Variants in SCLY observed in about 807,000 individuals in gnomAD.
SCLY encodes selenocysteine lyase, also known as putative selenocysteine lyase.
SCLY carries 38 observed loss-of-function variants against 50.1 expected under a neutral mutation model. The observed-to-expected ratio is 0.76, with a 90% CI of 0.59 to 0.99. The LOEUF is 0.99. Ranked by LOEUF, SCLY falls within the 50% of genes least tolerant of loss-of-function variation. The pLI, the probability that SCLY is intolerant of heterozygous loss-of-function variation, is 0.00. For missense variants in SCLY, 600 were observed against 620.0 expected, an observed-to-expected ratio of 0.97 and a Z score of 0.34; for synonymous variants, 243 against 249.4, an observed-to-expected ratio of 0.97 and a Z score of 0.24.
rs774441028 is a variant in SCLY, at chr2:238,066,569, C to T, written c.203-1496C>T. On this transcript the variant is annotated intron_variant, in intron 2 of 11. Coordinates refer to ENST00000254663, the MANE Select transcript of SCLY (RefSeq NM_016510.7). This position sits in a 1 kb window ranked among gnomAD's most constrained non-coding sequence, Gnocchi z 4.1. ...GGGGCCTGCTAGGAGAACATCACAG[C>T]AGTGGCCTTGGCTTGGTTGGTGGCT... 6.6e-5 allele frequency among the ~76,000 whole-genome samples: 10 copies of T among 152,158 alleles called. No individual in the cohort carries two copies. Among genetic ancestry groups the T allele is most frequent in the Non-Finnish European group, 1.3e-4 (9 of 68,034 alleles).
chr2:238,097,173 T>A (rs1442150987), intron 11 of SCLY, among the ~76,000 whole-genome samples: 4 of 1,726 alleles, frequency 2.3e-3, no homozygotes, highest in Non-Finnish European at 4.4e-3. Context: ...TGGGGCGGGC[T>A]GGGGTGGGCT....
At chr2:238,079,536 C>T (rs1310620530) in intron 4 of SCLY, 1 of 152,158 alleles carries the variant, frequency 6.6e-6, no homozygotes, top group Non-Finnish European at 1.5e-5. Context: ...TCCCTCCCAC[C>T]TCCTTTGTGC....
At chr2:238,061,805 G>T (rs1259843540) in intron 1 of SCLY, among the ~76,000 whole-genome samples, 1 of 152,188 alleles carries the variant, frequency 6.6e-6, no homozygotes, top group Non-Finnish European at 1.5e-5. Context: ...GCTGAGAAGC[G>T]CGGAGACCCG....
Position 238,063,368 on chromosome 2 carries a change from C to T in SCLY, c.90-989C>T, listed in dbSNP as rs573013453. Among the ~76,000 whole-genome samples, 3 of 151,830 alleles carry T rather than the reference C, an allele frequency of 2.0e-5. No individual in the cohort carries two copies. In the South Asian group the frequency reaches 6.2e-4, roughly 32 times the overall value. The stretch of plus-strand genomic sequence containing the variant: ...CCTGGGTTCAAGCAATTCTTCTGCC[C>T]CAGCCTCCCTAGTAGGGCTAATGTT... On this transcript the variant is annotated intron_variant, in intron 1 of 11. Coordinates refer to ENST00000254663, the MANE Select transcript of SCLY (RefSeq NM_016510.7).
chr2:238,088,949 G>T (rs771209578), intron 7 of SCLY, among the ~76,000 whole-genome samples: 42 of 152,166 alleles, frequency 2.8e-4, no homozygotes, highest in Non-Finnish European at 5.3e-4. Context: ...GAAGCAAAAG[G>T]CATATAGATC....
intron 1 of SCLY, among the ~76,000 whole-genome samples, 182 bp from the exon 2 acceptor site, chr2:238,064,175 C>T (rs1369622162): frequency 6.6e-6 from 1 of 152,130 alleles, no homozygotes; most frequent in Non-Finnish European, 1.5e-5. Context: ...ATGCATTTTC[C>T]ATAAGTAGTG....
Position 238,068,057 on chromosome 2 carries a change from C to CCCT in SCLY, c.203-6_203-4dup, listed in dbSNP as rs779354681. On this transcript the variant is annotated splice_polypyrimidine_tract_variant and splice_region_variant and intron_variant, in intron 2 of 11. Coordinates refer to ENST00000254663, the MANE Select transcript of SCLY (RefSeq NM_016510.7). ...AATGTTAATGAATTTCCTTTTTGGT[C>CCCT]CCTCAAGGAAGAAAGGCCAAGGATA... 1 of 1,598,236 alleles carries CCCT rather than the reference C, an allele frequency of 6.3e-7. No individual in the cohort carries two copies. Among genetic ancestry groups the CCCT allele is most frequent in the Non-Finnish European group, 8.5e-7 (1 of 1,172,332 alleles).
At chr2:238,063,838 G>A (rs1004041196) in intron 1 of SCLY, among the ~76,000 whole-genome samples, 9 of 152,228 alleles carry the variant, frequency 5.9e-5, no homozygotes, top group African/African-American at 2.2e-4. Context: ...CCAGTGATCT[G>A]CCCTTTACAG....
chr2:238,064,736 G>T (rs531337904), intron 2 of SCLY: 69 of 248,218 alleles, frequency 2.8e-4, no homozygotes, highest in Middle Eastern at 2.5e-3. Flanking sequence ...GGTGTCTACT[G>T]AGAGTTCCTT....
In SCLY at chr2:238,067,532, G is replaced by A. The variant is rs557500492; in HGVS notation, c.203-533G>A. ...TAGCCAGTGAAACTGGGTGATGGCC[G>A]GATGCATAGCCCTGTTTGAAAGCAG... On this transcript the variant is annotated intron_variant, in intron 2 of 11. Coordinates refer to ENST00000254663, the MANE Select transcript of SCLY (RefSeq NM_016510.7). This position sits in a 1 kb window ranked among gnomAD's most constrained non-coding sequence, Gnocchi z 4.3. Among the ~76,000 whole-genome samples the A allele has an allele frequency of 3.9e-5, 6 of 152,352 alleles. No individual in the cohort carries two copies. Among genetic ancestry groups the A allele is most frequent in the South Asian group, 4.1e-4 (2 of 4,826 alleles).
At chr2:238,065,660 T>TATTA (rs1553564087) in intron 2 of SCLY, among the ~76,000 whole-genome samples, 41 of 143,508 alleles carry the variant, frequency 2.9e-4, no homozygotes, top group African/African-American at 5.4e-4. Context: ...AATATTTTAT[T>TATTA]TTATTATTAT....
At chr2:238,096,978 G>GTCCTTCACCAGCCAGA in intron 11 of SCLY, 102 bp downstream of exon 11, 2 of 1,179,400 alleles carry the variant, frequency 1.7e-6, no homozygotes, top group Non-Finnish European at 2.4e-6. Context: ...CACTCTGGCT[G>GTCCTTCACCAGCCAGA]GTGAAGGACA....
In SCLY at chr2:238,098,252, A is replaced by G; in HGVS notation, c.1235A>G (p.Asn412Ser). The G allele has an allele frequency of 6.2e-7, 1 of 1,610,760 alleles. No individual in the cohort carries two copies. Among genetic ancestry groups the G allele is most frequent in the East Asian group, 2.2e-5 (1 of 44,814 alleles). ...GGTGTCCCCTTCGACGTGGCCAGGA[A>G]CGCGCTCCGGCTCAGCGTGGGCCGC... ...SYGVPFDVAR[N>S]ALRLSVGRST... Residue 412 changes from asparagine to serine, a missense_variant, in exon 12 of 12, where the codon AAC (asparagine) becomes AGC (serine). Coordinates refer to ENST00000254663, the MANE Select transcript of SCLY (RefSeq NM_016510.7).
At chr2:238,073,900 C>A (rs1048305328) in intron 4 of SCLY, 5 of 402,874 alleles carry the variant, frequency 1.2e-5, no homozygotes, top group African/African-American at 6.3e-5. Context: ...CTCTAGCTTA[C>A]TTTATTGTGA....
rs776365634 is a variant in SCLY, at chr2:238,098,194, C to G, written c.1185-8C>G. ...GCAGCAGCTGCAGCTCGGTCTCGCC[C>G]TCCCCAGGCCGTCCCCAGTGCTGCT... On this transcript the variant is annotated splice_region_variant and splice_polypyrimidine_tract_variant and intron_variant, in intron 11 of 11. Coordinates refer to ENST00000254663, the MANE Select transcript of SCLY (RefSeq NM_016510.7). 1.9e-6 allele frequency: 3 copies of G among 1,608,488 alleles called. No homozygotes were observed. Among genetic ancestry groups the G allele is most frequent in the East Asian group, 2.2e-5 (1 of 44,760 alleles).
intron 7 of SCLY, among the ~76,000 whole-genome samples, chr2:238,088,634 A>G (rs1394272165): frequency 2.0e-5 from 3 of 152,186 alleles, no homozygotes; most frequent in African/African-American, 4.8e-5. Flanking sequence ...AATTCAATCA[A>G]TGTAATCTAC....
rs1022097798 is a variant in SCLY at position 238,069,176 on chromosome 2, T to C, written c.304-121T>C. 114 of 889,328 alleles carry C rather than the reference T, an allele frequency of 1.3e-4. No individual in the cohort carries two copies. The highest frequency in any genetic ancestry group is 1.8e-4 in the Non-Finnish European group (109 of 591,984). The allele number at this position is 889,328 out of a possible 1,614,324, so 55.1% of individuals were successfully genotyped here. ...CTTTCAAAAGGTCCCACTCAGGAAG[T>C]TGAATTTCTTTGAAGCTTTTTTGAT... On this transcript the variant is annotated intron_variant, in intron 3 of 11. Coordinates refer to ENST00000254663, the MANE Select transcript of SCLY (RefSeq NM_016510.7). This position sits in a 1 kb window ranked among gnomAD's most constrained non-coding sequence, Gnocchi z 5.0.
At chr2:238,097,090 T>C (rs1212071240) in intron 11 of SCLY, among the ~76,000 whole-genome samples, 1 of 151,776 alleles carries the variant, frequency 6.6e-6, no homozygotes. Context: ...AGAAGAGGGC[T>C]TCTCGTGCTC....
chr2:238,071,200 T>C (rs760010278), intron 4 of SCLY, among the ~76,000 whole-genome samples: 4 of 152,228 alleles, frequency 2.6e-5, no homozygotes, highest in Non-Finnish European at 5.9e-5. Context: ...TTGGTATACA[T>C]CATTATTAGT....
Sources: allele counts gnomAD v4.1 joint callset (sites outside exome capture counted in the v4.1 genomes callset), GRCh38; gene constraint gnomAD v4.1.1; non-coding constraint Gnocchi (gnomAD v3.1); transcripts MANE v1.5; gene names NCBI Gene and HGNC (gene_info 2026-07-23, HGNC 2026-07-21).